VPS13D: variants seen among roughly 807,000 people sequenced by gnomAD.
The protein encoded by VPS13D is intermembrane lipid transfer protein VPS13D.
In VPS13D, 187 loss-of-function variants were observed where a neutral mutation model predicts 461.9. That is an observed-to-expected ratio of 0.40 (90% CI 0.36 to 0.46). The LOEUF is 0.46. VPS13D is among the 20% of genes least tolerant of loss of function. The pLI is 0.60. For synonymous variants in VPS13D, 1,951 were observed against 1,986.3 expected (o/e 0.98, Z 0.47); for missense variants, 4,711 against 5,364.9 (o/e 0.88, Z 3.81).
intron 59 of VPS13D, among the ~76,000 whole-genome samples, chr1:12,385,935 CT>C (rs1231457978): frequency 6.6e-6 from 1 of 152,044 alleles, no homozygotes; most frequent in Non-Finnish European, 1.5e-5. Flanking sequence ...GTCATCAGTC[CT>C]TTGATAGAGG....
Position 12,261,926 on chromosome 1 carries a change from T to C in VPS13D, c.1440T>C (p.Thr480=). ...GCACTGAGGAGTTTTTTGACCCCAC[T>C]GCAGATGCCTCGTGTATGAACACGT... The part of the protein sequence containing the change: ...ILGTEEFFDP[T]ADASCMNTYT... Residue 480 remains threonine, a synonymous_variant, in exon 13 of 70, where the codon ACT becomes ACC. Coordinates refer to ENST00000620676, the MANE Select transcript of VPS13D (RefSeq NM_015378.4). 2 of 1,613,332 alleles carry C rather than the reference T, an allele frequency of 1.2e-6. No homozygotes were observed. Among genetic ancestry groups the C allele is most frequent in the South Asian group, 2.2e-5 (2 of 90,946 alleles).
chr1:12,299,422 A>T lies in VPS13D; in HGVS notation c.6216+38A>T, dbSNP rs1338490291. 3 of 1,558,594 alleles carry T rather than the reference A, an allele frequency of 1.9e-6. No individual in the cohort carries two copies. The highest frequency in any genetic ancestry group is 2.6e-6 in the Non-Finnish European group (3 of 1,157,398). ...TATCCATTTCCTTTTCCGTTCAGCT[A>T]GTATTTGATCACTAATTGAAAAATT... On this transcript the variant is annotated intron_variant, in intron 25 of 69. Transcript: ENST00000620676. The surrounding 1 kb of genome is among the most constrained non-coding windows in gnomAD (Gnocchi z 4.2).
intron 21 of VPS13D, among the ~76,000 whole-genome samples, chr1:12,287,703 A>AT (rs551508003): frequency 1.6e-4 from 25 of 152,094 alleles, no homozygotes; most frequent in Non-Finnish European, 2.5e-4. Flanking sequence ...AAGACAGGGG[A>AT]TTTTTTCTTC....
rs371000375 is a variant in VPS13D, at chr1:12,509,182, T to C, written c.*158T>C. 8 of 852,022 alleles carry C rather than the reference T, an allele frequency of 9.4e-6. No individual in the cohort carries two copies. Among genetic ancestry groups the C allele is most frequent in the Middle Eastern group, 3.8e-4 (1 of 2,612 alleles). 52.8% of individuals were successfully genotyped at this position (852,022 alleles called of 1,614,324 possible). On this transcript the variant is annotated 3_prime_UTR_variant, in exon 70 of 70. Transcript: ENST00000620676. ...AAATCCTCATGAGGAAAAGTACAAATGGAAATCGTATTAATTTGTGAGGCA... is the reference window on the plus strand; with the variant it reads ...AAATCCTCATGAGGAAAAGTACAAACGGAAATCGTATTAATTTGTGAGGCA...
Position 12,385,326 on chromosome 1 carries a change from C to G in VPS13D, c.11437C>G (p.Gln3813Glu). 1 of 1,613,934 alleles carries G rather than the reference C, an allele frequency of 6.2e-7. No homozygotes were observed. Among genetic ancestry groups the G allele is most frequent in the Non-Finnish European group, 8.5e-7 (1 of 1,179,910 alleles). The change falls in exon 59 of 70, where the codon CAA becomes GAA. Residue 3813 changes from glutamine (Q) to glutamate (E), a missense_variant. Gln to Glu is a conservative substitution (Grantham distance 29). Transcript: ENST00000620676. ...YEVDELPVTE[Q>E]ELQKLKNPDT... ...AGTGGATGAACTTCCTGTCACCGAA[C>G]AAGAGCTGCAGAAATTAAAGAATCC... is the stretch of plus-strand genomic sequence containing the variant.
At chr1:12,493,603 A>T (rs1181844353) in intron 67 of VPS13D, among the ~76,000 whole-genome samples, 2 of 152,160 alleles carry the variant, frequency 1.3e-5, no homozygotes, top group Non-Finnish European at 2.9e-5. Context: ...CAAATGTAGG[A>T]CTGCTGTTAC....
chr1:12,291,232 T>G, intron 23 of VPS13D, 108 bp downstream of exon 23: 1 of 1,225,320 alleles, frequency 8.2e-7, no homozygotes, highest in Non-Finnish European at 1.1e-6. Context: ...TTTACCTTCT[T>G]AGAGGTGAAA....
chr1:12,334,455 A>G (rs1440412000), intron 38 of VPS13D, among the ~76,000 whole-genome samples: 8 of 152,236 alleles, frequency 5.3e-5, no homozygotes, highest in Admixed American at 5.2e-4. Flanking sequence ...TCTGATGAGT[A>G]CAGTATATGT....
rs780027637 is a variant in VPS13D, at chr1:12,261,903, A to G, written c.1417A>G (p.Thr473Ala). 18 of 1,607,736 alleles carry G rather than the reference A, an allele frequency of 1.1e-5. 1 individual carries two copies. In the Admixed American group the frequency reaches 2.9e-4, roughly 26 times the overall value. The change falls in exon 13 of 70, where the codon ACT (threonine) becomes GCT (alanine). Residue 473 changes from threonine (T) to alanine (A), a missense_variant and splice_region_variant. Around this residue, in one of 3 missense-constraint regions of VPS13D, gnomAD observed 4,411 missense variants for 4,937.8 expected, o/e 0.89. Transcript: ENST00000620676. ...EQWIPEEILG[T>A]EEFFDPTADA... ...GTCTTTTCTCCCTTACCATTTAGGCACTGAGGAGTTTTTTGACCCCACTGC... is the reference window on the plus strand; with the variant it reads ...GTCTTTTCTCCCTTACCATTTAGGCGCTGAGGAGTTTTTTGACCCCACTGC...
rs760950808 is a variant in VPS13D at position 12,358,557 on chromosome 1, A to C, written c.10097A>C (p.Lys3366Thr). 2 of 1,614,136 alleles carry C rather than the reference A, an allele frequency of 1.2e-6. No individual in the cohort carries two copies. The highest frequency in any genetic ancestry group is 3.3e-5 in the Admixed American group (2 of 60,020). Residue 3366 changes from lysine (K) to threonine (T), a missense_variant, in exon 50 of 70, where the codon AAA becomes ACA. Coordinates refer to ENST00000620676, the MANE Select transcript of VPS13D (RefSeq NM_015378.4). The part of the protein sequence containing the change: ...LDGGSGVRAL[K>T]VIQQGNRPGL... ...GGTGGTAGTGGTGTCCGAGCTTTGA[A>C]AGTCATCCAGCAAGGAAACCGCCCA...
At chr1:12,358,093 C>A (rs965746245) in intron 49 of VPS13D, among the ~76,000 whole-genome samples, 2 of 151,650 alleles carry the variant, frequency 1.3e-5, no homozygotes. Flanking sequence ...TTAAAATGAA[C>A]CCTTGAAACA....
At position 12,416,710 on chromosome 1, in the gene VPS13D, C is replaced by G; in HGVS notation, c.12216C>G (p.Gly4072=). ...TCCTGGGATCAGTGGATTTTCTTGGCAATCCTATGGGGCTTTTGAATGATG... is the reference window on the plus strand; with the variant it reads ...TCCTGGGATCAGTGGATTTTCTTGGGAATCCTATGGGGCTTTTGAATGATG... ...ARILGSVDFL[G]NPMGLLNDVS... is the part of the protein sequence containing the mutation. Residue 4072 remains glycine (G), a synonymous_variant, in exon 65 of 70, where the codon GGC becomes GGG. Transcript: ENST00000620676. 1 of 1,614,014 alleles carries G rather than the reference C, an allele frequency of 6.2e-7. No homozygotes were observed. The highest frequency in any genetic ancestry group is 2.2e-5 in the East Asian group (1 of 44,878).
intron 67 of VPS13D, among the ~76,000 whole-genome samples, chr1:12,474,857 C>T (rs1195183207): frequency 6.6e-6 from 1 of 152,154 alleles, no homozygotes; most frequent in South Asian, 2.1e-4. Context: ...AATTCATTTG[C>T]GACTTGGGCT....
In VPS13D at chr1:12,354,163, G is replaced by A. The variant is rs1643865987; in HGVS notation, c.9621G>A (p.Leu3207=). 1 of 1,614,198 alleles carries A rather than the reference G, an allele frequency of 6.2e-7. No homozygotes were observed. The change falls in exon 47 of 70, where the codon CTG becomes CTA. Residue 3207 remains leucine, a synonymous_variant. Transcript: ENST00000620676. ...YVKGMPINGT[L]KPGKEAALHT... Reference sequence around the variant, plus strand: ...AAGGAATGCCAATTAATGGGACGCTGAAACCTGGCAAGGAGGCAGCTCTCC... The same window carrying A: ...AAGGAATGCCAATTAATGGGACGCTAAAACCTGGCAAGGAGGCAGCTCTCC...
In VPS13D at chr1:12,258,027, G is replaced by A. The variant is rs375165536; in HGVS notation, c.1034G>A (p.Arg345His). ...KRCTWDFMLH[R>H]ARDAVSYTDK... ...TGCACCTGGGACTTTATGTTGCACC[G>A]CGCTCGTGATGCTGTATCTTACACT... is the stretch of plus-strand genomic sequence containing the variant. The change falls in exon 10 of 70, where the codon CGC becomes CAC. Residue 345 changes from arginine (R) to histidine (H), a missense_variant. Physicochemically the swap from Arg to His is conservative, Grantham distance 29 (BLOSUM62 0). Coordinates refer to ENST00000620676, the MANE Select transcript of VPS13D (RefSeq NM_015378.4). 59 of 1,614,066 alleles carry A rather than the reference G, an allele frequency of 3.7e-5. No individual in the cohort carries two copies. Among genetic ancestry groups the A allele is most frequent in the Admixed American group, 5.0e-5 (3 of 59,992 alleles).
rs138496677 is a variant in VPS13D, at chr1:12,292,603, C to A, written c.5853-921C>A. Among the ~76,000 whole-genome samples the A allele has an allele frequency of 2.0e-4, 30 of 152,050 alleles. No homozygotes were observed. In the East Asian group the frequency reaches 5.2e-3, roughly 27 times the overall value. On this transcript the variant is annotated intron_variant, in intron 23 of 69. Transcript: ENST00000620676. Reference sequence around the variant, plus strand: ...CACAGGCATGCACCATCACACCCGGCTAATTTTTTGTATTTTTGGGAGATA... The same window carrying A: ...CACAGGCATGCACCATCACACCCGGATAATTTTTTGTATTTTTGGGAGATA...
chr1:12,457,625 T>C (rs1355088595), intron 66 of VPS13D, among the ~76,000 whole-genome samples: 1 of 152,238 alleles, frequency 6.6e-6, no homozygotes, highest in African/African-American at 2.4e-5. Context: ...GTATTAATTA[T>C]CTGCATTTGG....
At chr1:12,398,163 T>TC (rs1644524361) in intron 60 of VPS13D, among the ~76,000 whole-genome samples, 1 of 152,298 alleles carries the variant, frequency 6.6e-6, no homozygotes, top group African/African-American at 2.4e-5. Context: ...GAAAAAATAC[T>TC]CCAAGTCTCT....
In VPS13D at chr1:12,279,689, A is replaced by G. The variant is rs1641719386; in HGVS notation, c.4602+39A>G. On this transcript the variant is annotated intron_variant, in intron 20 of 69. Coordinates refer to ENST00000620676, the MANE Select transcript of VPS13D (RefSeq NM_015378.4). The surrounding 1 kb of genome is among the most constrained non-coding windows in gnomAD (Gnocchi z 4.3). ...AGGGCAGTTGAAGTCATATGTTTAT[A>G]TTAGTACTCTATAAATATGATATAT... 1 of 1,530,274 alleles carries G rather than the reference A, an allele frequency of 6.5e-7. No individual in the cohort carries two copies. Among genetic ancestry groups the G allele is most frequent in the African/African-American group, 1.4e-5 (1 of 72,518 alleles). The allele number at this position is 1,530,274 out of a possible 1,614,324, so 94.8% of individuals were successfully genotyped here.
Sources: allele counts gnomAD v4.1 joint callset (sites outside exome capture counted in the v4.1 genomes callset), GRCh38; gene constraint gnomAD v4.1.1; regional missense constraint gnomAD v4.1.1; non-coding constraint Gnocchi (gnomAD v3.1); transcripts MANE v1.5; gene names NCBI Gene and HGNC (gene_info 2026-07-23, HGNC 2026-07-21).